The following KDM3A variants were observed in gnomAD, a reference collection of about 807,000 sequenced individuals.
KDM3A encodes lysine-specific demethylase 3A.
KDM3A carries 60 observed loss-of-function variants against 158.0 expected under a neutral mutation model. That is an observed-to-expected ratio of 0.38 (90% confidence interval 0.31 to 0.47). The LOEUF is 0.47. Ranked by LOEUF, KDM3A falls within the 20% of genes least tolerant of loss-of-function variation. The pLI is 0.99. For synonymous variants in KDM3A, 608 were observed against 549.3 expected (o/e 1.11, Z -1.49); for missense variants, 1,319 against 1,574.3 (o/e 0.84, Z 2.74).
intron 2 of KDM3A, chr2:86,443,231 A>G (rs547578251): frequency 2.0e-5 from 3 of 152,360 alleles, no homozygotes; most frequent in Non-Finnish European, 2.9e-5. Flanking sequence ...TCACTTGGCC[A>G]TCATCTTTGC....
At chr2:86,457,464 A>G (rs1184556933) in intron 8 of KDM3A, among the ~76,000 whole-genome samples, 2 of 152,060 alleles carry the variant, frequency 1.3e-5, no homozygotes, top group African/African-American at 4.8e-5. Context: ...TTAGTGTTAT[A>G]TTGCTGTCTG....
At chr2:86,456,636 T>A (rs1672711700) in intron 6 of KDM3A, 70 bp downstream of exon 6, 1 of 1,453,530 alleles carries the variant, frequency 6.9e-7, no homozygotes, top group Non-Finnish European at 9.5e-7. Context: ...CATTTATGAT[T>A]TTCTAGGCAC....
At chr2:86,450,626 A>T (rs1672417286) in intron 3 of KDM3A, among the ~76,000 whole-genome samples, 1 of 152,134 alleles carries the variant, frequency 6.6e-6, no homozygotes, top group African/African-American at 2.4e-5. Flanking sequence ...TTGGATCTGG[A>T]TAGTTTGGAA....
intron 10 of KDM3A, among the ~76,000 whole-genome samples, chr2:86,467,849 C>T (rs1397670333): frequency 6.6e-6 from 1 of 151,852 alleles, no homozygotes; most frequent in Non-Finnish European, 1.5e-5. Flanking sequence ...AGTGAGACCC[C>T]ATCTCCACAA....
At chr2:86,489,027 A>G (rs866841969) in intron 21 of KDM3A, 3 of 310,844 alleles carry the variant, frequency 9.7e-6, no homozygotes, top group Middle Eastern at 1.1e-3. Flanking sequence ...GGCTGTGGCA[A>G]CAATCAAAGC....
At chr2:86,464,275 G>A (rs1419716616) in intron 9 of KDM3A, 59 bp downstream of exon 9, 1 of 1,241,932 alleles carries the variant, frequency 8.1e-7, no homozygotes, top group Non-Finnish European at 1.1e-6. Context: ...TTTTAGTCAT[G>A]GCTCATTGTT....
Position 86,492,410 on chromosome 2 carries a change from T to C in KDM3A, c.*291T>C, listed in dbSNP as rs183629545. On this transcript the variant is annotated 3_prime_UTR_variant, in exon 26 of 26. Transcript: ENST00000312912. ...AGCTCTGGAACAATACCTGCAGTTA[T>C]TCTTCAGCTGTTTGGACAACTTAGA... The C allele has an allele frequency of 3.6e-4, 112 of 309,876 alleles. No individual in the cohort carries two copies. Among genetic ancestry groups the C allele is most frequent in the African/African-American group, 1.9e-3 (89 of 46,542 alleles). 19.2% of individuals were successfully genotyped at this position (309,876 alleles called of 1,614,324 possible).
At chr2:86,450,872 C>T (rs1210651297) in intron 3 of KDM3A, among the ~76,000 whole-genome samples, 1 of 152,014 alleles carries the variant, frequency 6.6e-6, no homozygotes, top group Non-Finnish European at 1.5e-5. Flanking sequence ...AATCTGTGAA[C>T]CCAGTCTTGA....
At chr2:86,489,702 G>T (rs1482164640) in intron 23 of KDM3A, 43 bp downstream of exon 23, 2 of 1,566,012 alleles carry the variant, frequency 1.3e-6, no homozygotes, top group Middle Eastern at 3.4e-4. Context: ...ATAAGGAATA[G>T]CAATATTATG....
upstream of KDM3A, among the ~76,000 whole-genome samples, chr2:86,440,292 TTC>T (rs1682623360): frequency 6.6e-6 from 1 of 152,246 alleles, no homozygotes; most frequent in South Asian, 2.1e-4. Context: ...TTTCCAAACA[TTC>T]TCTGATTATA....
Position 86,482,599 on chromosome 2 carries a change from C to A in KDM3A, c.2827C>A (p.His943Asn), listed in dbSNP as rs760827694. The A allele has an allele frequency of 1.2e-6, 2 of 1,613,964 alleles. No individual in the cohort carries two copies. Among genetic ancestry groups the A allele is most frequent in the Admixed American group, 3.3e-5 (2 of 60,020 alleles). The stretch of plus-strand genomic sequence containing the variant: ...CAGCATTCTGGGCTTTGACACTCCT[C>A]ACTATTGGCTTTGTGATAATCGCTT... ...KPSILGFDTP[H>N]YWLCDNRLLC... The change falls in exon 18 of 26, where the codon CAC becomes AAC. Residue 943 changes from histidine (H) to asparagine (N), a missense_variant. Around this residue, in one of 4 missense-constraint regions of KDM3A, gnomAD observed 368 missense variants for 415.8 expected, o/e 0.89. Coordinates refer to ENST00000312912, the MANE Select transcript of KDM3A (RefSeq NM_018433.6).
chr2:86,455,294 C>CTTTTTTT (rs767439758), intron 5 of KDM3A, 107 bp downstream of exon 5: 4 of 463,758 alleles, frequency 8.6e-6, no homozygotes, highest in Non-Finnish European at 7.4e-6. Flanking sequence ...TTTCTTTTTT[C>CTTTTTTT]TTTTTTTTTT....
intron 2 of KDM3A, among the ~76,000 whole-genome samples, chr2:86,445,051 C>T (rs1682899383): frequency 6.6e-6 from 1 of 152,042 alleles, no homozygotes; most frequent in Non-Finnish European, 1.5e-5. Flanking sequence ...TTTTTAGTGT[C>T]AAAAACTGAG....
chr2:86,484,298 T>TC (rs1218574590), intron 19 of KDM3A, 140 bp downstream of exon 19: 1 of 671,392 alleles, frequency 1.5e-6, no homozygotes, highest in Non-Finnish European at 2.5e-6. Context: ...CTCCTCCCCT[T>TC]CCTTGTTACA....
chr2:86,449,733 C>T (rs1387462875), intron 2 of KDM3A, 74 bp from the exon 3 acceptor site: 1 of 1,458,772 alleles, frequency 6.9e-7, no homozygotes, highest in Non-Finnish European at 9.3e-7. Flanking sequence ...AGGTATAGTT[C>T]AGCTGGGGCA....
intron 12 of KDM3A, among the ~76,000 whole-genome samples, chr2:86,475,872 A>G (rs970210733): frequency 1.3e-5 from 2 of 152,202 alleles, no homozygotes; most frequent in Non-Finnish European, 2.9e-5. Context: ...CCAGCAACTA[A>G]CAACCTAGCT....
chr2:86,482,075 G>T lies in KDM3A; in HGVS notation c.2658G>T (p.Arg886=). The part of the protein sequence containing the change: ...PVSNNNSGFL[R]NLLNSSTGKT... Reference sequence around the variant, plus strand: ...GCAACAACAATTCTGGTTTCCTCCGGAATCTCTTGAATTCTTCTACAGGAA... The same window carrying T: ...GCAACAACAATTCTGGTTTCCTCCGTAATCTCTTGAATTCTTCTACAGGAA... The change falls in exon 17 of 26, where the codon CGG becomes CGT. Residue 886 remains arginine (R), a synonymous_variant. Transcript: ENST00000312912. 6.2e-7 allele frequency: 1 copy of T among 1,614,016 alleles called. No homozygotes were observed. The highest frequency in any genetic ancestry group is 8.5e-7 in the Non-Finnish European group (1 of 1,179,974).
intron 16 of KDM3A, 45 bp downstream of exon 16, chr2:86,480,407 C>T (rs768397560): frequency 3.9e-6 from 6 of 1,530,710 alleles, no homozygotes; most frequent in Middle Eastern, 1.9e-4. Context: ...TATTTTAGTC[C>T]ATTCGTGGAA....
At chr2:86,442,304 T>C in intron 2 of KDM3A, 71 bp downstream of exon 2, 1 of 1,415,306 alleles carries the variant, frequency 7.1e-7, no homozygotes, top group Admixed American at 2.3e-5. Context: ...ATCGGTTCCC[T>C]CCTTCCGTTT....
Sources: allele counts gnomAD v4.1 joint callset (sites outside exome capture counted in the v4.1 genomes callset), GRCh38; gene constraint gnomAD v4.1.1; regional missense constraint gnomAD v4.1.1; transcripts MANE v1.5; gene names NCBI Gene and HGNC (gene_info 2026-07-23, HGNC 2026-07-21).